MYO18B: variants seen among roughly 807,000 people sequenced by gnomAD.
The protein encoded by MYO18B is myosin XVIIIB.
Under a neutral mutation model 273.0 loss-of-function variants are expected in MYO18B, and 204 were observed. The ratio of observed to expected loss-of-function variants is 0.75; its 90% confidence interval spans 0.67 to 0.84. MYO18B has a LOEUF of 0.84. Ranked by LOEUF, MYO18B falls within the 40% of genes least tolerant of loss-of-function variation. The pLI is 0.00. For missense variants in MYO18B, 3,212 were observed against 3,287.6 expected, an observed-to-expected ratio of 0.98 and a Z score of 0.56; for synonymous variants, 1,330 against 1,305.7, an observed-to-expected ratio of 1.02 and a Z score of -0.40.
At chr22:25,745,037 C>CTTA (rs2085736888) in intron 1 of MYO18B, among the ~76,000 whole-genome samples, 2 of 152,186 alleles carry the variant, frequency 1.3e-5, no homozygotes, top group African/African-American at 4.8e-5. Context: ...TATTATCCCC[C>CTTA]CGCACCAAGA....
At chr22:26,039,971 C>T in the MYO18B span, among the ~76,000 whole-genome samples, 1 of 152,162 alleles carries the variant, frequency 6.6e-6, no homozygotes, top group Admixed American at 6.5e-5. Context: ...ACTACAGGTG[C>T]ATGATACCAA....
At position 25,950,593 on chromosome 22, in the gene MYO18B, CAA is replaced by C. The variant is rs1272577615; in HGVS notation, c.5832+144_5832+145del. Reference sequence around the variant, plus strand: ...TTTATTTGTTTATTTATTTTTGAGACAAGAGTCTCACTCTGTCACCCAGACTG... The same window carrying C: ...TTTATTTGTTTATTTATTTTTGAGACGAGTCTCACTCTGTCACCCAGACTG... On this transcript the variant is annotated intron_variant, in intron 37 of 43. Transcript: ENST00000335473. The C allele has an allele frequency of 6.8e-6, 4 of 587,396 alleles. No homozygotes were observed. In the East Asian group the frequency reaches 1.3e-4, roughly 19 times the overall value. The allele number at this position is 587,396 out of a possible 1,614,324, so 36.4% of individuals were successfully genotyped here.
At chr22:25,913,868 G>A (rs1370510955) in intron 33 of MYO18B, among the ~76,000 whole-genome samples, 2 of 152,172 alleles carry the variant, frequency 1.3e-5, no homozygotes, top group East Asian at 1.9e-4. Context: ...ATACAGTCGT[G>A]TTAATCAAGC....
At chr22:25,798,177 C>T (rs1052411021) in intron 12 of MYO18B, 80 bp downstream of exon 12, 15 of 1,461,766 alleles carry the variant, frequency 1.0e-5, no homozygotes, top group African/African-American at 2.8e-5. Flanking sequence ...TCTCTCGGAG[C>T]GGTGGGAACA....
rs536962814 is a variant in MYO18B at position 25,977,689 on chromosome 22, C to A, written c.6157-14674C>A. ...GAGAAAGCATCAAAACAGAGGAGAC[C>A]CCCCAGGTTGGCATATTGCACAAGC... On this transcript the variant is annotated intron_variant, in intron 39 of 43. Transcript: ENST00000335473. Among the ~76,000 whole-genome samples, 4 of 152,142 alleles carry A rather than the reference C, an allele frequency of 2.6e-5. No homozygotes were observed. In the South Asian group the frequency reaches 8.3e-4, roughly 32 times the overall value.
rs144392038 is a variant in MYO18B at position 25,950,635 on chromosome 22, G to A, written c.5832+185G>A. Among the ~76,000 whole-genome samples, 984 of 151,974 alleles carry A rather than the reference G, an allele frequency of 6.5e-3. 5 individuals carry two copies. The highest frequency in any genetic ancestry group is 0.023 in the African/African-American group (945 of 41,426). ...CACCCAGACTGGAGTGAAGTGGCGC[G>A]ATCTTGGCTCACTGCAACCTCTGCC... On this transcript the variant is annotated intron_variant, in intron 37 of 43. Coordinates refer to ENST00000335473, the MANE Select transcript of MYO18B (RefSeq NM_032608.7).
chr22:26,023,048 A>G (rs1935942408), intron 42 of MYO18B, among the ~76,000 whole-genome samples: 1 of 152,162 alleles, frequency 6.6e-6, no homozygotes, highest in African/African-American at 2.4e-5. Flanking sequence ...GCAGATCCTT[A>G]GTTGCCGGCC....
chr22:25,900,207 G>A (rs533483083), intron 29 of MYO18B: 1 of 152,262 alleles, frequency 6.6e-6, no homozygotes, highest in African/African-American at 2.4e-5. Context: ...CCTCTGCTCT[G>A]TTACCATCTC....
intron 25 of MYO18B, 111 bp from the exon 26 acceptor site, chr22:25,890,645 G>T (rs2091632482): frequency 1.4e-6 from 2 of 1,453,062 alleles, no homozygotes. Flanking sequence ...ATACTCAAGG[G>T]TTGCTTTCCC....
intron 39 of MYO18B, among the ~76,000 whole-genome samples, chr22:25,973,046 C>T (rs2093052592): frequency 6.6e-6 from 1 of 151,706 alleles, no homozygotes; most frequent in Admixed American, 6.6e-5. Flanking sequence ...ATGGTTCCTG[C>T]CTCTGTATTA....
the MYO18B span, among the ~76,000 whole-genome samples, chr22:26,060,667 G>A: frequency 6.6e-5 from 10 of 151,820 alleles, no homozygotes; most frequent in African/African-American, 9.7e-5. Flanking sequence ...TTATACATAC[G>A]CACACATGCA....
In MYO18B at chr22:25,903,819, G is replaced by A. The variant is rs755306157; in HGVS notation, c.5136G>A (p.Lys1712=). 3 of 1,597,648 alleles carry A rather than the reference G, an allele frequency of 1.9e-6. No homozygotes were observed. The African/African-American group carries it at 4.0e-5, about 21-fold the overall frequency. Residue 1712 remains lysine (K), a synonymous_variant, in exon 31 of 44, where the codon AAG becomes AAA. Coordinates refer to ENST00000335473, the MANE Select transcript of MYO18B (RefSeq NM_032608.7). ...AGAGCCAGCAGGAAAACACCATCAA[G>A]CAGCTGGAGCAGGTAGGAAAGCCCT... is the stretch of plus-strand genomic sequence containing the variant. ...KIQSQQENTI[K]QLEQLRQRFE... is the part of the protein sequence containing the mutation.
intron 17 of MYO18B, among the ~76,000 whole-genome samples, chr22:25,842,923 G>T (rs2090127473): frequency 6.6e-6 from 1 of 152,156 alleles, no homozygotes; most frequent in South Asian, 2.1e-4. Context: ...ATCAGCAAAG[G>T]TTTAAGTGCA....
chr22:25,881,243 G>A (rs181477566), intron 25 of MYO18B, among the ~76,000 whole-genome samples: 42 of 152,228 alleles, frequency 2.8e-4, no homozygotes, highest in Non-Finnish European at 1.2e-4. Flanking sequence ...AGTGTCAACC[G>A]TGGAGTTGGC....
intron 34 of MYO18B, among the ~76,000 whole-genome samples, chr22:25,926,947 G>A (rs963680493): frequency 1.1e-4 from 17 of 152,164 alleles, no homozygotes; most frequent in Admixed American, 3.9e-4. Context: ...CTTTATTGCA[G>A]TCTCTAAACA....
At chr22:25,992,140 G>T (rs936248356) in intron 39 of MYO18B, among the ~76,000 whole-genome samples, 1 of 152,214 alleles carries the variant, frequency 6.6e-6, no homozygotes, top group East Asian at 1.9e-4. Flanking sequence ...AGCTCTGTGT[G>T]CCATGCCCTG....
At chr22:25,848,921 G>A (rs2090339021) in intron 20 of MYO18B, among the ~76,000 whole-genome samples, 1 of 152,208 alleles carries the variant, frequency 6.6e-6, no homozygotes, top group Non-Finnish European at 1.5e-5. Flanking sequence ...TCCCCCTGCT[G>A]GGTTAATAAG....
intron 12 of MYO18B, among the ~76,000 whole-genome samples, chr22:25,805,412 A>G (rs2088424684): frequency 6.6e-6 from 1 of 152,230 alleles, no homozygotes; most frequent in Non-Finnish European, 1.5e-5. Context: ...AGGTTGGACC[A>G]GGGCAAGATC....
At chr22:25,851,656 G>A (rs1335451295) in intron 21 of MYO18B, 77 bp downstream of exon 21, 8 of 1,107,036 alleles carry the variant, frequency 7.2e-6, no homozygotes, top group Non-Finnish European at 1.1e-5. Context: ...CCAAGGCTGG[G>A]CACGGTGAGT....
Sources: gnomAD v4.1 joint callset for allele counts (sites outside exome capture counted in the v4.1 genomes callset) on GRCh38, gnomAD v4.1.1 for gene constraint, MANE v1.5 for transcripts, NCBI Gene and HGNC (gene_info 2026-07-23, HGNC 2026-07-21) for gene names.